INTS2: variants seen among roughly 807,000 people sequenced by gnomAD.
INTS2 encodes the protein integrator complex subunit 2.
INTS2 carries 57 observed loss-of-function variants against 139.6 expected under a neutral mutation model. That is an observed-to-expected ratio of 0.41 (90% CI 0.33 to 0.51). The LOEUF (loss-of-function observed/expected upper bound fraction) is 0.51. Ranked by LOEUF, INTS2 falls within the 20% of genes least tolerant of loss-of-function variation. The probability of loss-of-function intolerance (pLI) is 0.28; values close to 1 mark genes in which losing one functional copy is unlikely to be tolerated. For synonymous variants in INTS2, 473 were observed against 493.4 expected (o/e 0.96, Z 0.55); for missense variants, 1,196 against 1,436.7 (o/e 0.83, Z 2.71).
intron 15 of INTS2, among the ~76,000 whole-genome samples, chr17:61,888,286 T>C (rs996355801): frequency 1.3e-5 from 2 of 151,194 alleles, no homozygotes; most frequent in African/African-American, 2.4e-5. Context: ...AGGGATCCCT[T>C]GAGCCCAAGA....
chr17:61,922,548 G>GTATATATATAAA, intron 3 of INTS2, among the ~76,000 whole-genome samples: 1 of 81,090 alleles, frequency 1.2e-5, no homozygotes, highest in African/African-American at 3.5e-5. Flanking sequence ...ATATATATAC[G>GTATATATATAAA]TGTTCAATTC....
At chr17:61,888,897 C>T (rs532542315) in intron 15 of INTS2, among the ~76,000 whole-genome samples, 4 of 152,092 alleles carry the variant, frequency 2.6e-5, no homozygotes, top group South Asian at 4.2e-4. Context: ...TCGTAGCAGG[C>T]GCCTGTAGTC....
Position 61,876,466 on chromosome 17 carries a change from C to CTTTT in INTS2, c.2456+1417_2456+1420dup, listed in dbSNP as rs796362999. Among the ~76,000 whole-genome samples, 28 of 151,868 alleles carry CTTTT rather than the reference C, an allele frequency of 1.8e-4. No homozygotes were observed. The highest frequency in any genetic ancestry group is 6.8e-4 in the African/African-American group (28 of 41,442). ...CTCCAAGAAAAAAAAAATAGTGTTT[C>CTTTT]TTTTGTTTTTTTTTGAGACAGGGTT... is the stretch of plus-strand genomic sequence containing the variant. On this transcript the variant is annotated intron_variant, in intron 18 of 24. Transcript: ENST00000251334. This position sits in a 1 kb window ranked among gnomAD's most constrained non-coding sequence, Gnocchi z 4.1.
chr17:61,866,465 T>C lies in INTS2; in HGVS notation c.*1092A>G, dbSNP rs1603370451. 2 of 152,046 alleles carry C rather than the reference T, an allele frequency of 1.3e-5. No individual in the cohort carries two copies. The highest frequency in any genetic ancestry group is 4.8e-5 in the African/African-American group (2 of 41,408). 9.4% of individuals were successfully genotyped at this position (152,046 alleles called of 1,614,324 possible). A position where few individuals can be genotyped will look rare whatever the true frequency, so the allele number is the denominator to read the frequency against. On this transcript the variant is annotated 3_prime_UTR_variant, in exon 25 of 25. Coordinates refer to ENST00000251334, the MANE Select transcript of INTS2 (RefSeq NM_001351695.2). ...AGAAAAAAGGGAATTACTTTCTACA[T>C]TGATAATTTTTTTTTAATGATTAGG...
chr17:61,881,824 G>C (rs949798070), intron 16 of INTS2, among the ~76,000 whole-genome samples: 1 of 152,216 alleles, frequency 6.6e-6, no homozygotes, highest in Non-Finnish European at 1.5e-5. Flanking sequence ...GTGATAAACA[G>C]TGAGGTGGGA....
chr17:61,922,054 T>C (rs1314713938), intron 3 of INTS2, among the ~76,000 whole-genome samples: 1 of 152,118 alleles, frequency 6.6e-6, no homozygotes, highest in Non-Finnish European at 1.5e-5. Context: ...CTGATTTCTA[T>C]CTAAATATTT....
intron 17 of INTS2, 94 bp downstream of exon 17, chr17:61,880,913 A>G (rs1251353023): frequency 2.0e-6 from 2 of 996,830 alleles, no homozygotes; most frequent in African/African-American, 3.3e-5. Flanking sequence ...TGTTATATCC[A>G]TGGGAAAATT....
rs370336239 is a variant in INTS2 at position 61,911,566 on chromosome 17, G to C, written c.908C>G (p.Ala303Gly). 16 of 1,613,676 alleles carry C rather than the reference G, an allele frequency of 9.9e-6. No individual in the cohort carries two copies. In the African/African-American group the frequency reaches 2.0e-4, roughly 20 times the overall value. The change falls in exon 7 of 25, where the codon GCG (alanine) becomes GGG (glycine). Residue 303 changes from alanine to glycine, a missense_variant. By Grantham distance (60) the Ala-to-Gly change is moderately conservative. Transcript: ENST00000251334. ...AGTTCCAAACCAAGTCCGGACTTTC[G>C]CATTTGTTCCAAGAAGCAAACCACT... ...FVSGLLLGTN[A>G]KVRTWFGTFI...
intron 9 of INTS2, among the ~76,000 whole-genome samples, chr17:61,901,152 C>G (rs907826624): frequency 4.6e-5 from 7 of 151,996 alleles, no homozygotes; most frequent in Non-Finnish European, 1.0e-4. Context: ...GTGGCCCACA[C>G]TGGCCACTTG....
At chr17:61,922,759 G>A (rs2079660340) in intron 3 of INTS2, among the ~76,000 whole-genome samples, 1 of 151,828 alleles carries the variant, frequency 6.6e-6, no homozygotes, top group African/African-American at 2.4e-5. Flanking sequence ...AAAAGATGAA[G>A]GAAAACTCTT....
Position 61,872,112 on chromosome 17 carries a change from A to C in INTS2, c.2778+153T>G. ...CAACATATCTGATACTCAGAAGCAAAGGTAACATCATTGTAATAGATTCTA... is the reference window on the plus strand; with the variant it reads ...CAACATATCTGATACTCAGAAGCAACGGTAACATCATTGTAATAGATTCTA... On this transcript the variant is annotated intron_variant, in intron 20 of 24. Transcript: ENST00000251334. The surrounding 1 kb of genome is among the most constrained non-coding windows in gnomAD (Gnocchi z 4.8). 1 of 461,860 alleles carries C rather than the reference A, an allele frequency of 2.2e-6. No individual in the cohort carries two copies. The highest frequency in any genetic ancestry group is 3.5e-5 in the Admixed American group (1 of 28,874). 28.6% of individuals were successfully genotyped at this position (461,860 alleles called of 1,614,324 possible). A position where few individuals can be genotyped will look rare whatever the true frequency, so the allele number is the denominator to read the frequency against.
In INTS2 at chr17:61,916,559, C is replaced by G. The variant is rs1292369851; in HGVS notation, c.649+2841G>C. On this transcript the variant is annotated intron_variant, in intron 5 of 24. Coordinates refer to ENST00000251334, the MANE Select transcript of INTS2 (RefSeq NM_001351695.2). ...AAATAAATGACAGGGAAAGGACTCCCTATTTAACAAATGGTGTTGGGATAG... is the reference window on the plus strand; with the variant it reads ...AAATAAATGACAGGGAAAGGACTCCGTATTTAACAAATGGTGTTGGGATAG... Among the ~76,000 whole-genome samples, 3 of 152,184 alleles carry G rather than the reference C, an allele frequency of 2.0e-5. No individual in the cohort carries two copies. In the East Asian group the frequency reaches 5.8e-4, roughly 29 times the overall value.
intron 12 of INTS2, among the ~76,000 whole-genome samples, chr17:61,894,662 G>A (rs1448602135): frequency 6.6e-6 from 1 of 152,114 alleles, no homozygotes; most frequent in Non-Finnish European, 1.5e-5. Flanking sequence ...GACCAGCCTG[G>A]TCAACGTGGT....
rs2079081528 is a variant in INTS2 at position 61,870,667 on chromosome 17, G to T, written c.2779-679C>A. On this transcript the variant is annotated intron_variant, in intron 20 of 24. Transcript: ENST00000251334. This position sits in a 1 kb window ranked among gnomAD's most constrained non-coding sequence, Gnocchi z 4.4. ...AAATGAATACATGACATCCACCTCT[G>T]ATAGACAGCTACTGCCTAAGGTAGA... Among the ~76,000 whole-genome samples, 1 of 152,170 alleles carries T rather than the reference G, an allele frequency of 6.6e-6. No homozygotes were observed. The highest frequency in any genetic ancestry group is 6.5e-5 in the Admixed American group (1 of 15,276).
chr17:61,907,627 C>T lies in INTS2; in HGVS notation c.962G>A (p.Arg321Lys), dbSNP rs185046951. The T allele has an allele frequency of 1.6e-4, 245 of 1,576,438 alleles. No homozygotes were observed. The East Asian group carries it at 5.0e-3, about 32-fold the overall frequency. ...CCAAAGGACAGAACTGCTGGTCTCTCTTTTTCTCTGAAAGAAATATGGATC... is the reference window on the plus strand; with the variant it reads ...CCAAAGGACAGAACTGCTGGTCTCTTTTTTTCTCTGAAAGAAATATGGATC... ...TFIRNGQQRK[R>K]ETSSSVLWQM... Residue 321 changes from arginine (R) to lysine (K), a missense_variant, in exon 8 of 25, where the codon AGA (arginine) becomes AAA (lysine). Transcript: ENST00000251334.
chr17:61,870,047 C>T lies in INTS2; in HGVS notation c.2779-59G>A. The T allele has an allele frequency of 6.9e-7, 1 of 1,458,534 alleles. No homozygotes were observed. Among genetic ancestry groups the T allele is most frequent in the Non-Finnish European group, 9.3e-7 (1 of 1,079,800 alleles). The allele number at this position is 1,458,534 out of a possible 1,614,324, so 90.3% of individuals were successfully genotyped here. On this transcript the variant is annotated intron_variant, in intron 20 of 24. Coordinates refer to ENST00000251334, the MANE Select transcript of INTS2 (RefSeq NM_001351695.2). The surrounding 1 kb of genome is among the most constrained non-coding windows in gnomAD (Gnocchi z 4.4). Reference sequence around the variant, plus strand: ...GTTTCTAAGAAGTTAAAAAACAAATCAGATTTTATTTTCACATGAACAGAT... The same window carrying T: ...GTTTCTAAGAAGTTAAAAAACAAATTAGATTTTATTTTCACATGAACAGAT...
At chr17:61,889,644 C>A (rs1347799185) in intron 15 of INTS2, 142 bp downstream of exon 15, 2 of 541,694 alleles carry the variant, frequency 3.7e-6, no homozygotes, top group Non-Finnish European at 6.6e-6. Flanking sequence ...ATCAAGTATA[C>A]AATGCCCACA....
chr17:61,894,869 T>A (rs1309985103), intron 12 of INTS2, among the ~76,000 whole-genome samples: 1 of 152,006 alleles, frequency 6.6e-6, no homozygotes, highest in Non-Finnish European at 1.5e-5. Flanking sequence ...AAAAAATCCT[T>A]ATGCTTATCC....
intron 11 of INTS2, among the ~76,000 whole-genome samples, chr17:61,895,761 G>A (rs1046295027): frequency 6.6e-6 from 1 of 151,850 alleles, no homozygotes; most frequent in African/African-American, 2.4e-5. Flanking sequence ...TATATGTACA[G>A]ATAGACACAC....
Sources: allele counts gnomAD v4.1 joint callset (sites outside exome capture counted in the v4.1 genomes callset), GRCh38; gene constraint gnomAD v4.1.1; non-coding constraint Gnocchi (gnomAD v3.1); transcripts MANE v1.5; gene names NCBI Gene and HGNC (gene_info 2026-07-23, HGNC 2026-07-21).